The following LRCH1 variants were observed in gnomAD, a reference collection of about 807,000 sequenced individuals.
LRCH1 encodes leucine-rich repeat and calponin homology domain-containing protein 1.
LRCH1 carries 23 observed loss-of-function variants against 94.9 expected under a neutral mutation model. The observed-to-expected ratio is 0.24, with a 90% CI of 0.17 to 0.34. The LOEUF (loss-of-function observed/expected upper bound fraction) is 0.34, where lower values mean the gene tolerates loss of function less well. Among genes scored for constraint, LRCH1 ranks in the 10% least tolerant of loss-of-function variants. LRCH1 has a pLI of 1.00. For missense variants in LRCH1, 790 were observed against 945.9 expected (o/e 0.84, Z 2.16); for synonymous variants, 364 against 354.9 (o/e 1.03, Z -0.29).
At chr13:46,572,946 A>G (rs1376679501) in intron 1 of LRCH1, among the ~76,000 whole-genome samples, 2 of 152,158 alleles carry the variant, frequency 1.3e-5, no homozygotes, top group Non-Finnish European at 2.9e-5. Flanking sequence ...CTACTGGCCC[A>G]GTGACCTTGG....
chr13:46,562,998 C>G (rs1464945109), intron 1 of LRCH1, among the ~76,000 whole-genome samples: 1 of 152,152 alleles, frequency 6.6e-6, no homozygotes, highest in Non-Finnish European at 1.5e-5. Context: ...TAGAGTCACA[C>G]TTTATTTTTA....
At chr13:46,734,788 T>C (rs1264400978) in intron 19 of LRCH1, among the ~76,000 whole-genome samples, 1 of 152,234 alleles carries the variant, frequency 6.6e-6, no homozygotes, top group Non-Finnish European at 1.5e-5. Flanking sequence ...CAGAAATTGA[T>C]AGAAGTTTAT....
chr13:46,615,308 G>C (rs1379719314), intron 1 of LRCH1, among the ~76,000 whole-genome samples: 1 of 152,222 alleles, frequency 6.6e-6, no homozygotes, highest in Non-Finnish European at 1.5e-5. Context: ...CACGGCGAAA[G>C]AGGGAGCAAG....
At chr13:46,731,933 C>T (rs1394868986) in intron 18 of LRCH1, among the ~76,000 whole-genome samples, 3 of 152,118 alleles carry the variant, frequency 2.0e-5, no homozygotes, top group Admixed American at 6.5e-5. Flanking sequence ...GTTCATTTTC[C>T]GTCACACCTA....
Position 46,553,242 on chromosome 13 carries a change from C to CCAAA in LRCH1, c.-155_-154insCAAA. On this transcript the variant is annotated 5_prime_UTR_variant, in exon 1 of 20. Transcript: ENST00000389797. ...CACGGCCGCCTCCCCGCCCGCCCCC[C>CCAAA]ATTCTACGCGCCTGCCCACACCCTC... 3 of 568,652 alleles carry CCAAA rather than the reference C, an allele frequency of 5.3e-6. No homozygotes were observed. Among genetic ancestry groups the CCAAA allele is most frequent in the Non-Finnish European group, 9.2e-6 (3 of 324,448 alleles). 35.2% of individuals were successfully genotyped at this position (568,652 alleles called of 1,614,324 possible). A position where few individuals can be genotyped will look rare whatever the true frequency, so the allele number is the denominator to read the frequency against.
At chr13:46,703,192 G>A (rs1871576483) in intron 11 of LRCH1, among the ~76,000 whole-genome samples, 1 of 152,164 alleles carries the variant, frequency 6.6e-6, no homozygotes, top group Admixed American at 6.5e-5. Context: ...ATACATGTAT[G>A]TTAGTACATG....
intron 1 of LRCH1, among the ~76,000 whole-genome samples, chr13:46,596,610 GA>G (rs1313448789): frequency 2.6e-5 from 4 of 152,216 alleles, no homozygotes; most frequent in Non-Finnish European, 4.4e-5. Context: ...GAATGTCAGT[GA>G]ATTCTAACTT....
In LRCH1 at chr13:46,589,725, C is replaced by T. The variant is rs140288378; in HGVS notation, c.307+36022C>T. On this transcript the variant is annotated intron_variant, in intron 1 of 19. Coordinates refer to ENST00000389797, the MANE Select transcript of LRCH1 (RefSeq NM_001164211.2). ...AAGTGATTCTCCTGTCTCAGCCTTC[C>T]GAGTAGGTGGGATTACTTGTGCCCA... 5.2e-3 allele frequency among the ~76,000 whole-genome samples: 780 copies of T among 151,300 alleles called. 9 individuals are homozygous for T. The highest frequency in any genetic ancestry group is 0.018 in the African/African-American group (735 of 41,158).
chr13:46,562,550 T>A (rs2050141453), intron 1 of LRCH1, among the ~76,000 whole-genome samples: 1 of 152,214 alleles, frequency 6.6e-6, no homozygotes, highest in South Asian at 2.1e-4. Context: ...GTAATCTTCA[T>A]TACTTCTTTA....
At chr13:46,605,412 AC>A (rs1241679221) in intron 1 of LRCH1, among the ~76,000 whole-genome samples, 1 of 152,172 alleles carries the variant, frequency 6.6e-6, no homozygotes, top group Non-Finnish European at 1.5e-5. Context: ...TTGAAAACTT[AC>A]TTGTGGCCTG....
chr13:46,680,173 G>A (rs1438256788), intron 3 of LRCH1: 1 of 152,264 alleles, frequency 6.6e-6, no homozygotes, highest in East Asian at 1.9e-4. Flanking sequence ...ACCTGCATGG[G>A]ATTTGGTATG....
rs370269886 is a variant in LRCH1, at chr13:46,732,849, C to G, written c.2008-1072C>G. Among the ~76,000 whole-genome samples, 116 of 152,304 alleles carry G rather than the reference C, an allele frequency of 7.6e-4. 3 individuals are homozygous for G. The South Asian group carries it at 0.022, about 29-fold the overall frequency. On this transcript the variant is annotated intron_variant, in intron 18 of 19. Transcript: ENST00000389797. ...CAGGGGTTGGGCAAAACCACCGAAG[C>G]AGCTGCTGGCGACATCTCTTTAGGG...
At position 46,575,924 on chromosome 13, in the gene LRCH1, C is replaced by T. The variant is rs564575723; in HGVS notation, c.307+22221C>T. On this transcript the variant is annotated intron_variant, in intron 1 of 19. Coordinates refer to ENST00000389797, the MANE Select transcript of LRCH1 (RefSeq NM_001164211.2). ...AGGGAGAGAGAATGAGCTTGATTAA[C>T]GGCAGCACAGGATTGGCAGGAGTGA... 1.1e-4 allele frequency among the ~76,000 whole-genome samples: 16 copies of T among 152,238 alleles called. No homozygotes were observed. In the South Asian group the frequency reaches 2.1e-3, roughly 20 times the overall value.
intron 2 of LRCH1, among the ~76,000 whole-genome samples, chr13:46,657,461 C>T (rs369682267): frequency 5.0e-5 from 3 of 60,508 alleles, no homozygotes; most frequent in Admixed American, 1.8e-4. Context: ...CACTTTTTTT[C>T]TTTCTTTCTT....
intron 18 of LRCH1, among the ~76,000 whole-genome samples, chr13:46,729,762 G>A (rs1449421737): frequency 6.6e-6 from 1 of 152,088 alleles, no homozygotes; most frequent in Admixed American, 6.6e-5. Flanking sequence ...TTTAGGGATA[G>A]CCCTGAAAAG....
At position 46,705,241 on chromosome 13, in the gene LRCH1, T is replaced by C. The variant is rs558313876; in HGVS notation, c.1491-27T>C. ...TATGCTTTAAATTTCACTTTGTATC[T>C]TTTTTTTTCTTTCCTTGTTCTCACA... On this transcript the variant is annotated intron_variant, in intron 12 of 19. Coordinates refer to ENST00000389797, the MANE Select transcript of LRCH1 (RefSeq NM_001164211.2). The C allele has an allele frequency of 4.6e-5, 66 of 1,448,260 alleles. 1 individual carries two copies. The Admixed American group carries it at 1.2e-3, about 26-fold the overall frequency. The allele number at this position is 1,448,260 out of a possible 1,614,324, so 89.7% of individuals were successfully genotyped here.
At chr13:46,670,524 G>A (rs1422521192) in intron 3 of LRCH1, among the ~76,000 whole-genome samples, 1 of 152,196 alleles carries the variant, frequency 6.6e-6, no homozygotes, top group Admixed American at 6.5e-5. Flanking sequence ...GATCTGGTCT[G>A]ATGTTCTCGC....
At chr13:46,665,287 C>T (rs1475954685) in intron 2 of LRCH1, among the ~76,000 whole-genome samples, 2 of 152,240 alleles carry the variant, frequency 1.3e-5, no homozygotes, top group African/African-American at 4.8e-5. Flanking sequence ...GAGACTCAAA[C>T]TATGGACATC....
At chr13:46,713,345 G>A (rs1195012590) in intron 15 of LRCH1, among the ~76,000 whole-genome samples, 1 of 152,158 alleles carries the variant, frequency 6.6e-6, no homozygotes, top group Non-Finnish European at 1.5e-5. Context: ...TTTTAAGCAA[G>A]TGCTAATAAA....
Sources: gnomAD v4.1 joint callset for allele counts (sites outside exome capture counted in the v4.1 genomes callset) on GRCh38, gnomAD v4.1.1 for gene constraint, MANE v1.5 for transcripts, NCBI Gene and HGNC (gene_info 2026-07-23, HGNC 2026-07-21) for gene names.